The following GRM7 variants were observed in gnomAD, a reference collection of about 807,000 sequenced individuals.
The protein encoded by GRM7 is metabotropic glutamate receptor 7.
Under a neutral mutation model 84.5 loss-of-function variants are expected in GRM7, and 35 were observed. That is an observed-to-expected ratio of 0.41 (90% confidence interval 0.32 to 0.55). The LOEUF is 0.55. Ranked by LOEUF, GRM7 falls within the 20% of genes least tolerant of loss-of-function variation. The pLI is 0.19. For missense variants in GRM7, 1,003 were observed against 1,194.6 expected (o/e 0.84, Z 2.36); for synonymous variants, 487 against 455.1 (o/e 1.07, Z -0.89).
In GRM7 at chr3:6,861,192, G is replaced by A. The variant is rs887489223; in HGVS notation, c.-197G>A. The A allele has an allele frequency of 4.4e-6, 2 of 458,670 alleles. No homozygotes were observed. The highest frequency in any genetic ancestry group is 8.5e-5 in the Admixed American group (2 of 23,456). 28.4% of individuals were successfully genotyped at this position (458,670 alleles called of 1,614,324 possible). A position where few individuals can be genotyped will look rare whatever the true frequency, so the allele number is the denominator to read the frequency against. On this transcript the variant is annotated 5_prime_UTR_variant, in exon 1 of 10. Coordinates refer to ENST00000357716, the MANE Select transcript of GRM7 (RefSeq NM_000844.4). The surrounding 1 kb of genome is among the most constrained non-coding windows in gnomAD (Gnocchi z 6.4). Reference sequence around the variant, plus strand: ...CGCGCCGGCCGGCTAACCCGAGAGCGCGAGGCGCCCCAGGCTGGCAGGCGC... The same window carrying A: ...CGCGCCGGCCGGCTAACCCGAGAGCACGAGGCGCCCCAGGCTGGCAGGCGC...
chr3:7,177,593 G>A (rs921695254), intron 2 of GRM7, among the ~76,000 whole-genome samples: 1 of 151,160 alleles, frequency 6.6e-6, no homozygotes, highest in Non-Finnish European at 1.5e-5. Flanking sequence ...AGAGTGACAT[G>A]GAGGAGACAG....
intron 2 of GRM7, among the ~76,000 whole-genome samples, chr3:7,233,796 TG>T (rs1424868508): frequency 6.6e-6 from 1 of 152,274 alleles, no homozygotes; most frequent in East Asian, 1.9e-4. Flanking sequence ...ACCCAATTTT[TG>T]GATCCCCATG....
intron 8 of GRM7, among the ~76,000 whole-genome samples, chr3:7,639,951 G>T (rs768559997): frequency 6.6e-6 from 1 of 152,044 alleles, no homozygotes; most frequent in Non-Finnish European, 1.5e-5. Context: ...AAATCATTCA[G>T]TATATACTCT....
At chr3:6,963,471 C>T (rs1693381889) in intron 1 of GRM7, among the ~76,000 whole-genome samples, 1 of 152,104 alleles carries the variant, frequency 6.6e-6, no homozygotes, top group South Asian at 2.1e-4. Context: ...GAAGAGAATG[C>T]ACTAATAACC....
At chr3:7,443,346 A>G (rs1055399527) in intron 5 of GRM7, among the ~76,000 whole-genome samples, 1 of 152,182 alleles carries the variant, frequency 6.6e-6, no homozygotes, top group African/African-American at 2.4e-5. Context: ...AAAAATGTAC[A>G]ATACACACAA....
chr3:7,698,355 A>T (rs1701100816), intron 9 of GRM7, among the ~76,000 whole-genome samples: 1 of 152,218 alleles, frequency 6.6e-6, no homozygotes, highest in Non-Finnish European at 1.5e-5. Context: ...TATTCTGTGT[A>T]CTTAATATGT....
intron 7 of GRM7, among the ~76,000 whole-genome samples, chr3:7,567,913 AG>A (rs902767404): frequency 2.6e-5 from 4 of 152,036 alleles, no homozygotes; most frequent in Non-Finnish European, 5.9e-5. Flanking sequence ...AGTTTGTGTG[AG>A]GTCTGCATGA....
intron 2 of GRM7, among the ~76,000 whole-genome samples, chr3:7,246,981 C>T (rs1290347472): frequency 2.6e-5 from 4 of 152,010 alleles, no homozygotes; most frequent in South Asian, 2.1e-4. Context: ...GATTAATTCA[C>T]CACAGTAGAA....
chr3:7,076,321 C>G (rs1334950736), intron 1 of GRM7, among the ~76,000 whole-genome samples: 1 of 152,098 alleles, frequency 6.6e-6, no homozygotes, highest in East Asian at 1.9e-4. Flanking sequence ...ATTGTAATCC[C>G]AATTGTAATT....
At chr3:7,241,878 C>A (rs1028057227) in intron 2 of GRM7, among the ~76,000 whole-genome samples, 1 of 152,132 alleles carries the variant, frequency 6.6e-6, no homozygotes, top group Non-Finnish European at 1.5e-5. Context: ...GGTCCCAGTT[C>A]TGTTATCATG....
chr3:7,336,638 A>G (rs1420589950), intron 4 of GRM7, among the ~76,000 whole-genome samples: 2 of 152,054 alleles, frequency 1.3e-5, no homozygotes, highest in Non-Finnish European at 2.9e-5. Context: ...GCATACCTAG[A>G]AAACCCTAAA....
chr3:7,496,538 C>A (rs546237880), intron 7 of GRM7, among the ~76,000 whole-genome samples: 64 of 152,018 alleles, frequency 4.2e-4, no homozygotes, highest in Non-Finnish European at 9.3e-4. Flanking sequence ...AAAACACAGT[C>A]CTGGATTAGA....
chr3:7,242,195 G>A (rs1697585172), intron 2 of GRM7, among the ~76,000 whole-genome samples: 1 of 152,134 alleles, frequency 6.6e-6, no homozygotes, highest in African/African-American at 2.4e-5. Context: ...CCTGTGACTG[G>A]CTAGAGTTAA....
intron 2 of GRM7, among the ~76,000 whole-genome samples, chr3:7,171,764 G>A (rs185134104): frequency 3.4e-4 from 51 of 152,184 alleles, no homozygotes; most frequent in Non-Finnish European, 5.9e-4. Flanking sequence ...TGAGAACTTC[G>A]ATTTAGAAAA....
chr3:7,195,729 G>A (rs878877334), intron 2 of GRM7, among the ~76,000 whole-genome samples: 1 of 152,060 alleles, frequency 6.6e-6, no homozygotes, highest in African/African-American at 2.4e-5. Flanking sequence ...TAGACTTTGG[G>A]GAGGCTGTGA....
intron 2 of GRM7, among the ~76,000 whole-genome samples, chr3:7,177,738 C>G (rs1055774881): frequency 4.6e-5 from 7 of 152,082 alleles, no homozygotes; most frequent in African/African-American, 1.7e-4. Flanking sequence ...GTTTTTAATG[C>G]TACAACTGAT....
intron 1 of GRM7, among the ~76,000 whole-genome samples, chr3:6,910,243 G>A (rs1696722131): frequency 6.6e-6 from 1 of 152,154 alleles, no homozygotes; most frequent in African/African-American, 2.4e-5. Flanking sequence ...GTGTGCCAAT[G>A]TAGCAATGAA....
chr3:7,139,411 A>G (rs1235719133), intron 1 of GRM7, among the ~76,000 whole-genome samples: 1 of 151,918 alleles, frequency 6.6e-6, no homozygotes, highest in Non-Finnish European at 1.5e-5. Context: ...ATTACTGCTT[A>G]AAGTTATTTA....
intron 2 of GRM7, among the ~76,000 whole-genome samples, chr3:7,166,975 GC>G (rs1195358030): frequency 1.2e-4 from 19 of 152,278 alleles, no homozygotes; most frequent in African/African-American, 4.1e-4. Context: ...AATAAGGTAA[GC>G]TTTGCCCAGC....
Sources: allele counts gnomAD v4.1 joint callset (sites outside exome capture counted in the v4.1 genomes callset), GRCh38; gene constraint gnomAD v4.1.1; non-coding constraint Gnocchi (gnomAD v3.1); transcripts MANE v1.5; gene names NCBI Gene and HGNC (gene_info 2026-07-23, HGNC 2026-07-21).